Variants in PTPRD observed in about 807,000 individuals in gnomAD.
PTPRD encodes the protein receptor-type tyrosine-protein phosphatase delta.
Under a neutral mutation model 214.5 loss-of-function variants are expected in PTPRD, and 34 were observed. The observed-to-expected ratio is 0.16, with a 90% CI of 0.12 to 0.21. The LOEUF (loss-of-function observed/expected upper bound fraction) is 0.21, where lower values mean the gene tolerates loss of function less well. Ranked by LOEUF, PTPRD falls within the 10% of genes least tolerant of loss-of-function variation. PTPRD has a pLI of 1.00. For synonymous variants in PTPRD, 1,128 were observed against 845.7 expected (o/e 1.33, Z -5.79); for missense variants, 2,545 against 2,398.7 (o/e 1.06, Z -1.27).
At chr9:10,287,204 T>C (rs1249596264) in intron 3 of PTPRD, among the ~76,000 whole-genome samples, 3 of 152,178 alleles carry the variant, frequency 2.0e-5, no homozygotes, top group African/African-American at 4.8e-5. Context: ...TTGACAAGGG[T>C]AGCGTCACAA....
At chr9:8,540,674 C>G (rs530206040) in intron 14 of PTPRD, among the ~76,000 whole-genome samples, 3 of 151,704 alleles carry the variant, frequency 2.0e-5, no homozygotes, top group East Asian at 3.9e-4. Flanking sequence ...TTTTTTAAGC[C>G]AAACTTTCAA....
chr9:9,770,062 T>C (rs1048954601), intron 5 of PTPRD, among the ~76,000 whole-genome samples: 1 of 152,224 alleles, frequency 6.6e-6, no homozygotes, highest in Non-Finnish European at 1.5e-5. Flanking sequence ...AGTGCTGCAA[T>C]AAACATTCAT....
At chr9:10,156,864 T>C (rs2099096619) in intron 3 of PTPRD, among the ~76,000 whole-genome samples, 1 of 152,210 alleles carries the variant, frequency 6.6e-6, no homozygotes, top group Non-Finnish European at 1.5e-5. Context: ...TTCTCTTGAA[T>C]TGAACCTTCT....
At chr9:9,966,898 G>A (rs1269368408) in intron 4 of PTPRD, among the ~76,000 whole-genome samples, 1 of 152,108 alleles carries the variant, frequency 6.6e-6, no homozygotes, top group Non-Finnish European at 1.5e-5. Flanking sequence ...ATTGTAGCAG[G>A]CATTGAATAA....
intron 2 of PTPRD, among the ~76,000 whole-genome samples, chr9:10,475,439 G>C (rs1370097149): frequency 5.9e-5 from 9 of 151,938 alleles, no homozygotes; most frequent in Admixed American, 2.0e-4. Context: ...AAACAAAGAA[G>C]TCGAATCCCT....
chr9:9,870,385 T>C (rs1029033709), intron 5 of PTPRD, among the ~76,000 whole-genome samples: 7 of 148,722 alleles, frequency 4.7e-5, no homozygotes, highest in Admixed American at 4.6e-4. Context: ...CTACAATCTA[T>C]ATTTACTATA....
At chr9:9,950,303 G>C (rs1267960100) in intron 4 of PTPRD, among the ~76,000 whole-genome samples, 1 of 152,180 alleles carries the variant, frequency 6.6e-6, no homozygotes. Flanking sequence ...GTGCAATGTA[G>C]AAGTGTGGGG....
chr9:9,481,275 C>A lies in PTPRD; in HGVS notation c.-236-83793G>T, dbSNP rs569755676. Among the ~76,000 whole-genome samples the A allele has an allele frequency of 1.3e-4, 20 of 152,278 alleles. No individual in the cohort carries two copies. In the South Asian group the frequency reaches 2.1e-3, roughly 16 times the overall value. Reference sequence around the variant, plus strand: ...GAAGCTGGAGGGTATCAAAGTCCAACAGAGGCAGATTCAATTCTTGACTCA... The same window carrying A: ...GAAGCTGGAGGGTATCAAAGTCCAAAAGAGGCAGATTCAATTCTTGACTCA... On this transcript the variant is annotated intron_variant, in intron 8 of 45. Coordinates refer to ENST00000381196, the MANE Select transcript of PTPRD (RefSeq NM_002839.4).
chr9:9,919,396 T>C (rs1434868343), intron 5 of PTPRD, among the ~76,000 whole-genome samples: 4 of 152,136 alleles, frequency 2.6e-5, no homozygotes, highest in African/African-American at 9.7e-5. Context: ...GGAATGTATC[T>C]TTCAACTCAT....
chr9:10,016,357 T>C (rs990570974), intron 4 of PTPRD, among the ~76,000 whole-genome samples: 1 of 97,292 alleles, frequency 1.0e-5, no homozygotes, highest in African/African-American at 3.4e-5. Context: ...GATAGAAAGA[T>C]TAGATAGATA....
At chr9:9,046,119 ATC>A (rs1258754233) in intron 10 of PTPRD, among the ~76,000 whole-genome samples, 3 of 152,192 alleles carry the variant, frequency 2.0e-5, no homozygotes, top group Non-Finnish European at 4.4e-5. Context: ...TATTATCTAT[ATC>A]TTTCAGCTTC....
chr9:9,122,843 G>C (rs1277488971), intron 10 of PTPRD, among the ~76,000 whole-genome samples: 1 of 152,116 alleles, frequency 6.6e-6, no homozygotes, highest in Non-Finnish European at 1.5e-5. Flanking sequence ...TGGATAAACA[G>C]TACAAACCCA....
chr9:8,683,017 T>C (rs1487808234), intron 12 of PTPRD, among the ~76,000 whole-genome samples: 1 of 152,196 alleles, frequency 6.6e-6, no homozygotes, highest in Non-Finnish European at 1.5e-5. Context: ...AGATGAGTTT[T>C]AACAATAACT....
intron 44 of PTPRD, among the ~76,000 whole-genome samples, chr9:8,329,311 C>T (rs552227982): frequency 3.1e-4 from 47 of 152,236 alleles, no homozygotes; most frequent in African/African-American, 1.1e-3. Context: ...AGGTCTATTC[C>T]AGACGCTGTT....
At chr9:8,813,634 C>A (rs2096861524) in intron 11 of PTPRD, among the ~76,000 whole-genome samples, 1 of 152,158 alleles carries the variant, frequency 6.6e-6, no homozygotes, top group African/African-American at 2.4e-5. Flanking sequence ...CGGCCTCCTG[C>A]AGTGCTGGGA....
intron 5 of PTPRD, among the ~76,000 whole-genome samples, chr9:9,877,100 TA>T (rs1053368794): frequency 6.6e-6 from 1 of 152,152 alleles, no homozygotes; most frequent in Admixed American, 6.5e-5. Flanking sequence ...AAGATCTAAT[TA>T]CAGAGATATA....
At chr9:8,850,052 G>T (rs1252277768) in intron 11 of PTPRD, among the ~76,000 whole-genome samples, 1 of 152,032 alleles carries the variant, frequency 6.6e-6, no homozygotes, top group Non-Finnish European at 1.5e-5. Context: ...AAAGAGATAG[G>T]GATGACACCA....
chr9:9,103,669 C>T (rs2099794495), intron 10 of PTPRD, among the ~76,000 whole-genome samples: 1 of 151,768 alleles, frequency 6.6e-6, no homozygotes, highest in Non-Finnish European at 1.5e-5. Flanking sequence ...TTGCAAGTAC[C>T]TCACCTTTCC....
rs371116110 is a variant in PTPRD, at chr9:9,713,737, G to A, written c.-287+20796C>T. On this transcript the variant is annotated intron_variant, in intron 7 of 45. Coordinates refer to ENST00000381196, the MANE Select transcript of PTPRD (RefSeq NM_002839.4). ...GCTTTTATTACAGGGACAGTGGGAG[G>A]AAAGAGAACAGAATATTGGTAGAAC... is the stretch of plus-strand genomic sequence containing the variant. Among the ~76,000 whole-genome samples the A allele has an allele frequency of 9.3e-4, 142 of 152,178 alleles. 1 individual carries two copies. The highest frequency in any genetic ancestry group is 3.3e-3 in the African/African-American group (136 of 41,538).
Sources: gnomAD v4.1 joint callset for allele counts (sites outside exome capture counted in the v4.1 genomes callset) on GRCh38, gnomAD v4.1.1 for gene constraint, MANE v1.5 for transcripts, NCBI Gene and HGNC (gene_info 2026-07-23, HGNC 2026-07-21) for gene names.